Variants in LRFN5 observed in about 807,000 individuals in gnomAD.
LRFN5 encodes leucine rich repeat and fibronectin type III domain containing 5.
Under a neutral mutation model 45.6 loss-of-function variants are expected in LRFN5, and 24 were observed. That is an observed-to-expected ratio of 0.53 (90% confidence interval 0.38 to 0.74). The LOEUF (loss-of-function observed/expected upper bound fraction) is 0.74. Among genes scored for constraint, LRFN5 ranks in the 30% least tolerant of loss-of-function variants. The probability of loss-of-function intolerance (pLI) is 0.00; values close to 1 mark genes in which losing one functional copy is unlikely to be tolerated. For missense variants in LRFN5, 776 were observed against 861.5 expected (o/e 0.90, Z 1.24); for synonymous variants, 340 against 313.8 (o/e 1.08, Z -0.88).
At chr14:41,674,829 G>T (rs888052096) in intron 1 of LRFN5, among the ~76,000 whole-genome samples, 4 of 150,314 alleles carry the variant, frequency 2.7e-5, no homozygotes, top group Admixed American at 6.6e-5. Flanking sequence ...GGGAGGAGGG[G>T]CTCCTCACTT....
intron 1 of LRFN5, among the ~76,000 whole-genome samples, chr14:41,641,364 CATT>C (rs893970823): frequency 2.0e-5 from 3 of 152,038 alleles, no homozygotes; most frequent in Admixed American, 6.6e-5. Flanking sequence ...CTTTCACCAT[CATT>C]AAGACAATTT....
At chr14:41,663,698 C>T (rs935038203) in intron 1 of LRFN5, among the ~76,000 whole-genome samples, 15 of 151,846 alleles carry the variant, frequency 9.9e-5, no homozygotes, top group Non-Finnish European at 1.6e-4. Flanking sequence ...ATGTATGCAT[C>T]GATAACCTAG....
At chr14:41,739,654 C>G (rs1448705098) in intron 1 of LRFN5, among the ~76,000 whole-genome samples, 3 of 143,044 alleles carry the variant, frequency 2.1e-5, no homozygotes, top group Admixed American at 7.1e-5. Context: ...CCTCTAGCAA[C>G]TAGAAAAAAA....
intron 2 of LRFN5, among the ~76,000 whole-genome samples, chr14:41,812,918 T>C (rs1448433514): frequency 6.6e-6 from 1 of 152,062 alleles, no homozygotes; most frequent in Non-Finnish European, 1.5e-5. Context: ...TTTGAAGAAG[T>C]CATCACGTTC....
At chr14:41,744,349 C>A (rs1884830624) in intron 1 of LRFN5, among the ~76,000 whole-genome samples, 1 of 151,774 alleles carries the variant, frequency 6.6e-6, no homozygotes, top group African/African-American at 2.4e-5. Flanking sequence ...CCGAATGAGG[C>A]CCTGTCTCAA....
chr14:41,811,100 A>C (rs1411605502), intron 2 of LRFN5, among the ~76,000 whole-genome samples: 1 of 152,120 alleles, frequency 6.6e-6, no homozygotes. Flanking sequence ...CAATTTTAAA[A>C]GGTGCAAATA....
At chr14:41,862,430 A>G (rs1456182162) in intron 2 of LRFN5, among the ~76,000 whole-genome samples, 1 of 152,000 alleles carries the variant, frequency 6.6e-6, no homozygotes, top group African/African-American at 2.4e-5. Context: ...TTTCTTTTAT[A>G]TTGTTCAATT....
At chr14:41,757,137 C>T (rs1204372928) in intron 1 of LRFN5, among the ~76,000 whole-genome samples, 1 of 152,132 alleles carries the variant, frequency 6.6e-6, no homozygotes, top group East Asian at 1.9e-4. Flanking sequence ...CAGAGGAGTA[C>T]CCGGCCGTGT....
intron 2 of LRFN5, among the ~76,000 whole-genome samples, chr14:41,801,525 T>C (rs1887331796): frequency 6.6e-6 from 1 of 152,138 alleles, no homozygotes; most frequent in Non-Finnish European, 1.5e-5. Flanking sequence ...CATTGACAGA[T>C]AAGTTACTCT....
At chr14:41,767,205 C>T (rs993077501) in intron 2 of LRFN5, among the ~76,000 whole-genome samples, 176 bp downstream of exon 2, 8 of 151,266 alleles carry the variant, frequency 5.3e-5, no homozygotes, top group Admixed American at 2.6e-4. Flanking sequence ...GATTCAATGT[C>T]TACCACTTTT....
At chr14:41,869,401 A>C (rs551278069) in intron 2 of LRFN5, among the ~76,000 whole-genome samples, 1 of 151,602 alleles carries the variant, frequency 6.6e-6, no homozygotes, top group Non-Finnish European at 1.5e-5. Context: ...TCAGTCTGCT[A>C]TTCCTCATTG....
At position 41,700,214 on chromosome 14, in the gene LRFN5, A is replaced by G. The variant is rs1262228971; in HGVS notation, c.-196-66640A>G. Reference sequence around the variant, plus strand: ...CAGAACATAATTATGGAGGGGCAGTAAGGGTTACATGATAATAGTTGACTA... The same window carrying G: ...CAGAACATAATTATGGAGGGGCAGTGAGGGTTACATGATAATAGTTGACTA... On this transcript the variant is annotated intron_variant, in intron 1 of 5. Transcript: ENST00000298119. The G allele has an allele frequency of 2.0e-5, 3 of 152,094 alleles. No individual in the cohort carries two copies. In the East Asian group the frequency reaches 5.8e-4, roughly 29 times the overall value. The allele number at this position is 152,094 out of a possible 1,614,324, so 9.4% of individuals were successfully genotyped here. A position where few individuals can be genotyped will look rare whatever the true frequency, so the allele number is the denominator to read the frequency against.
chr14:41,840,846 C>G (rs1888834020), intron 2 of LRFN5, among the ~76,000 whole-genome samples: 1 of 151,748 alleles, frequency 6.6e-6, no homozygotes, highest in Non-Finnish European at 1.5e-5. Flanking sequence ...TTGTATAAAC[C>G]TGAGATAGAA....
intron 1 of LRFN5, among the ~76,000 whole-genome samples, chr14:41,623,199 C>CA (rs1888196353): frequency 6.6e-6 from 1 of 152,056 alleles, no homozygotes; most frequent in Admixed American, 6.6e-5. Flanking sequence ...TTCCATTTGA[C>CA]AAATAAAACA....
chr14:41,889,933 G>A (rs1432334040), intron 3 of LRFN5, among the ~76,000 whole-genome samples: 2 of 151,976 alleles, frequency 1.3e-5, no homozygotes, highest in African/African-American at 4.8e-5. Flanking sequence ...GCACAATCTC[G>A]GCTCACTGCA....
chr14:41,884,609 G>A (rs1379226893), intron 2 of LRFN5, among the ~76,000 whole-genome samples: 1 of 152,176 alleles, frequency 6.6e-6, no homozygotes, highest in Non-Finnish European at 1.5e-5. Context: ...TCCAGTGGCA[G>A]CAAGCTGGTA....
rs1204866257 is a variant in LRFN5, at chr14:41,607,015, G to A, written c.-1744G>A. 6.6e-6 allele frequency among the ~76,000 whole-genome samples: 1 copy of A among 152,116 alleles called. No homozygotes were observed. The highest frequency in any genetic ancestry group is 2.4e-5 in the African/African-American group (1 of 41,454). ...GCGGCCGCAGCCCCGGACCTCGGCT[G>A]CTTGCCTCGCGCCTGAACTGCGGAC... is the stretch of plus-strand genomic sequence containing the variant. On this transcript the variant is annotated 5_prime_UTR_variant, in exon 1 of 6. Coordinates refer to ENST00000298119, the MANE Select transcript of LRFN5 (RefSeq NM_152447.5).
chr14:41,760,686 G>A (rs1418199809), intron 1 of LRFN5, among the ~76,000 whole-genome samples: 1 of 152,056 alleles, frequency 6.6e-6, no homozygotes, highest in African/African-American at 2.4e-5. Context: ...AAGGATGAGA[G>A]AGGGAGGGAG....
intron 1 of LRFN5, among the ~76,000 whole-genome samples, chr14:41,716,362 A>T (rs1883495896): frequency 2.0e-5 from 3 of 152,058 alleles, no homozygotes; most frequent in Admixed American, 2.0e-4. Context: ...CAGGCTGCAA[A>T]TTTTCAGAAC....
Sources: allele counts gnomAD v4.1 joint callset (sites outside exome capture counted in the v4.1 genomes callset), GRCh38; gene constraint gnomAD v4.1.1; transcripts MANE v1.5; gene names NCBI Gene and HGNC (gene_info 2026-07-23, HGNC 2026-07-21).